IL31RA: variants seen among roughly 807,000 people sequenced by gnomAD.
The protein encoded by IL31RA is interleukin 31 receptor A.
Under a neutral mutation model 83.7 loss-of-function variants are expected in IL31RA, and 66 were observed. The ratio of observed to expected loss-of-function variants is 0.79; its 90% CI spans 0.65 to 0.97. The LOEUF (loss-of-function observed/expected upper bound fraction) is 0.97. IL31RA is among the 50% of genes least tolerant of loss of function. IL31RA has a pLI of 0.00. For missense variants in IL31RA, 798 were observed against 919.4 expected, an observed-to-expected ratio of 0.87 and a Z score of 1.71; for synonymous variants, 325 against 329.0, an observed-to-expected ratio of 0.99 and a Z score of 0.13.
At chr5:55,898,705 T>C (rs114729988) in intron 7 of IL31RA, among the ~76,000 whole-genome samples, 1,635 of 144,236 alleles carry the variant, frequency 0.011, 16 homozygotes, top group Middle Eastern at 0.022. Flanking sequence ...TATTAATATG[T>C]TATTTAAAAA....
At chr5:55,877,067 C>T (rs1465332361) in intron 4 of IL31RA, among the ~76,000 whole-genome samples, 1 of 151,480 alleles carries the variant, frequency 6.6e-6, no homozygotes, top group Non-Finnish European at 1.5e-5. Context: ...TTATTGTCTT[C>T]TTTTGTGTTT....
chr5:55,872,155 C>T, intron 3 of IL31RA, 115 bp from the exon 4 acceptor site: 6 of 768,794 alleles, frequency 7.8e-6, no homozygotes, highest in Middle Eastern at 3.5e-4. Context: ...CTGGACTATA[C>T]AGTTCTCAAG....
Position 55,894,995 on chromosome 5 carries a change from G to C in IL31RA, c.773-1355G>C, listed in dbSNP as rs1748243842. ...GCCTCCCAAAGTGCTGGGATTACAG[G>C]CATGAGCCACCGTGCCCAGCCAGTA... On this transcript the variant is annotated intron_variant, in intron 6 of 14. Transcript: ENST00000652347. Among the ~76,000 whole-genome samples, 3 of 152,166 alleles carry C rather than the reference G, an allele frequency of 2.0e-5. No homozygotes were observed. The South Asian group carries it at 6.2e-4, about 32-fold the overall frequency.
intron 14 of IL31RA, 95 bp from the exon 15 acceptor site, chr5:55,916,549 A>T: frequency 9.9e-7 from 1 of 1,006,470 alleles, no homozygotes. Flanking sequence ...GCTGTTCCAG[A>T]GATGGGCATT....
rs1232701245 is a variant in IL31RA at position 55,919,950 on chromosome 5, G to A, written c.*2830G>A. On this transcript the variant is annotated 3_prime_UTR_variant, in exon 15 of 15. Coordinates refer to ENST00000652347, the MANE Select transcript of IL31RA (RefSeq NM_139017.7). Reference sequence around the variant, plus strand: ...CACAAACAGGAAGACTTGTGTTTTAGCAAGGTTATTAAAAATGGATAAACC... The same window carrying A: ...CACAAACAGGAAGACTTGTGTTTTAACAAGGTTATTAAAAATGGATAAACC... Among the ~76,000 whole-genome samples the A allele has an allele frequency of 6.6e-6, 1 of 152,238 alleles. No homozygotes were observed. Among genetic ancestry groups the A allele is most frequent in the African/African-American group, 2.4e-5 (1 of 41,458 alleles).
rs181138965 is a variant in IL31RA at position 55,908,544 on chromosome 5, A to G, written c.1501+133A>G. On this transcript the variant is annotated intron_variant, in intron 11 of 14. Coordinates refer to ENST00000652347, the MANE Select transcript of IL31RA (RefSeq NM_139017.7). ...GGCATGAATCACTTAGCTTCTTTAA[A>G]TCTCTCTGAAAATGGGGCCAAGAGC... 9.7e-5 allele frequency: 154 copies of G among 1,580,370 alleles called. No individual in the cohort carries two copies. The Middle Eastern group carries it at 2.3e-3, about 24-fold the overall frequency.
chr5:55,871,012 A>G (rs1160682453), intron 3 of IL31RA, among the ~76,000 whole-genome samples: 1 of 152,248 alleles, frequency 6.6e-6, no homozygotes, highest in African/African-American at 2.4e-5. Context: ...GCTCACATTT[A>G]TTGACTCTGT....
At chr5:55,884,723 A>G (rs754758169) in intron 5 of IL31RA, among the ~76,000 whole-genome samples, 1 of 152,194 alleles carries the variant, frequency 6.6e-6, no homozygotes, top group Non-Finnish European at 1.5e-5. Context: ...GAGCAGACAC[A>G]TTATTGACTT....
At chr5:55,878,937 C>A (rs958123871) in intron 4 of IL31RA, among the ~76,000 whole-genome samples, 2 of 152,118 alleles carry the variant, frequency 1.3e-5, no homozygotes, top group African/African-American at 2.4e-5. Context: ...CAGGTGTGAG[C>A]CACTATGCCC....
upstream of IL31RA, among the ~76,000 whole-genome samples, chr5:55,848,387 C>G (rs1744984207): frequency 6.6e-6 from 1 of 151,988 alleles, no homozygotes; most frequent in Non-Finnish European, 1.5e-5. Flanking sequence ...CTTTTTTGCT[C>G]AAATTGTTCT....
chr5:55,883,123 G>A lies in IL31RA; in HGVS notation c.534G>A (p.Lys178=). Residue 178 remains lysine, a synonymous_variant, in exon 5 of 15, where the codon AAG becomes AAA. Coordinates refer to ENST00000652347, the MANE Select transcript of IL31RA (RefSeq NM_139017.7). ...GAATGATTCAAATTGAATGGATAAA[G>A]CCTGAGTTGGCGCCTGTTTCATCTG... is the stretch of plus-strand genomic sequence containing the variant. The part of the protein sequence containing the change: ...IKRMIQIEWI[K]PELAPVSSDL... The A allele has an allele frequency of 6.2e-7, 1 of 1,614,032 alleles. No individual in the cohort carries two copies.
intron 2 of IL31RA, among the ~76,000 whole-genome samples, chr5:55,864,536 TCACA>T (rs889236536): frequency 3.0e-5 from 4 of 135,584 alleles, no homozygotes; most frequent in African/African-American, 8.5e-5. Flanking sequence ...TATAAACACA[TCACA>T]CACACTACAC....
intron 5 of IL31RA, among the ~76,000 whole-genome samples, chr5:55,883,550 C>G (rs1284070808): frequency 6.6e-6 from 1 of 152,120 alleles, no homozygotes; most frequent in Non-Finnish European, 1.5e-5. Context: ...TGAGGTATAA[C>G]ATACATTTGG....
chr5:55,875,559 A>T (rs1243589436), intron 4 of IL31RA, among the ~76,000 whole-genome samples: 5 of 152,246 alleles, frequency 3.3e-5, no homozygotes, highest in Non-Finnish European at 1.5e-5. Flanking sequence ...CCTTTGGAAG[A>T]CTTACTCCAC....
At position 55,867,199 on chromosome 5, in the gene IL31RA, T is replaced by TTGTGTGTGTTTG. The variant is rs1561543290; in HGVS notation, c.155-1583_155-1582insTTGTGTGTGTGT. ...TGTGTGCATGTGTGTTTGTGTGTGT[T>TTGTGTGTGTTTG]TGTGTGTGTGCGCATGTGTGTTTGT... On this transcript the variant is annotated intron_variant, in intron 2 of 14. Transcript: ENST00000652347. Among the ~76,000 whole-genome samples the TTGTGTGTGTTTG allele has an allele frequency of 3.5e-3, 376 of 106,700 alleles. 9 individuals carry two copies. The highest frequency in any genetic ancestry group is 0.015 in the African/African-American group (358 of 23,136). 70.0% of individuals were successfully genotyped at this position (106,700 alleles called of 152,430 possible).
chr5:55,849,764 C>T (rs1394326220), upstream of IL31RA, among the ~76,000 whole-genome samples: 1 of 152,198 alleles, frequency 6.6e-6, no homozygotes, highest in Non-Finnish European at 1.5e-5. Flanking sequence ...CTTGGGATCT[C>T]CCTTGGCCAC....
intron 4 of IL31RA, among the ~76,000 whole-genome samples, chr5:55,882,549 G>C (rs1459339996): frequency 1.3e-5 from 2 of 152,128 alleles, no homozygotes; most frequent in Non-Finnish European, 2.9e-5. Flanking sequence ...AAAAAATGTT[G>C]TATAATAAGC....
In IL31RA at chr5:55,913,565, A is replaced by T. The variant is rs1191755703; in HGVS notation, c.1731A>T (p.Lys577Asn). 1 of 1,606,728 alleles carries T rather than the reference A, an allele frequency of 6.2e-7. No homozygotes were observed. The change falls in exon 13 of 15, where the codon AAA (lysine) becomes AAT (asparagine). Residue 577 changes from lysine (K) to asparagine (N), a missense_variant. By Grantham distance (94) the Lys-to-Asn change is moderately conservative. Transcript: ENST00000652347. Reference sequence around the variant, plus strand: ...TGACAGTGGCATATGGTCTCAAAAAACCCAAGTGAGTCTGCAGACAACAGT... The same window carrying T: ...TGACAGTGGCATATGGTCTCAAAAATCCCAAGTGAGTCTGCAGACAACAGT... ...IILTVAYGLKKPNKLTHLCWP... is the reference protein window; with the variant it reads ...IILTVAYGLKNPNKLTHLCWP...
rs75953255 is a variant in IL31RA at position 55,918,895 on chromosome 5, G to T, written c.*1775G>T. ...GGGAGGCCCGAGGCAGGGCACTGGG[G>T]AATAAGACTCTAGGGCAATGCCCCT... On this transcript the variant is annotated 3_prime_UTR_variant, in exon 15 of 15. Coordinates refer to ENST00000652347, the MANE Select transcript of IL31RA (RefSeq NM_139017.7). Among the ~76,000 whole-genome samples the T allele has an allele frequency of 0.011, 1,676 of 152,198 alleles. 28 individuals are homozygous for T. The highest frequency in any genetic ancestry group is 0.038 in the African/African-American group (1,593 of 41,498).
Sources: allele counts gnomAD v4.1 joint callset (sites outside exome capture counted in the v4.1 genomes callset), GRCh38; gene constraint gnomAD v4.1.1; transcripts MANE v1.5; gene names NCBI Gene and HGNC (gene_info 2026-07-23, HGNC 2026-07-21).